The following ZNF569 variants were observed in gnomAD, a reference collection of about 807,000 sequenced individuals.
ZNF569 encodes the protein DNA-binding protein.
A neutral mutation model predicts 56.3 loss-of-function variants in ZNF569; 38 were observed. The ratio of observed to expected loss-of-function variants is 0.68; its 90% CI spans 0.52 to 0.88. The LOEUF (loss-of-function observed/expected upper bound fraction) is 0.88, where lower values mean the gene tolerates loss of function less well. Ranked by LOEUF, ZNF569 falls within the 40% of genes least tolerant of loss-of-function variation. ZNF569 has a pLI of 0.00. For missense variants in ZNF569, 666 were observed against 809.2 expected, an observed-to-expected ratio of 0.82 and a Z score of 2.15; for synonymous variants, 241 against 262.9, an observed-to-expected ratio of 0.92 and a Z score of 0.81.
rs1034533462 is a variant in ZNF569 at position 37,437,029 on chromosome 19, A to AG, written c.15+7877_15+7878insC. On this transcript the variant is annotated intron_variant, in intron 3 of 5. Transcript: ENST00000316950. ...CCAAGACACATCAAAAAAAAAAAAA[A>AG]AAAGAAAGCTACAGGCCAATATCCT... Among the ~76,000 whole-genome samples the AG allele has an allele frequency of 4.6e-5, 7 of 151,796 alleles. No individual in the cohort carries two copies. In the East Asian group the frequency reaches 5.8e-4, roughly 13 times the overall value.
At chr19:37,415,505 G>T (rs2146856664) in intron 5 of ZNF569, among the ~76,000 whole-genome samples, 1 of 152,196 alleles carries the variant, frequency 6.6e-6, no homozygotes, top group East Asian at 1.9e-4. Flanking sequence ...TCAGAAATAA[G>T]AAAAGATGAG....
rs918943320 is a variant in ZNF569, at chr19:37,430,715, T to C, written c.16-4337A>G. ...AAAGCACCTTCATCATAACCAAAAA[T>C]CAGGTCAGCAGTCACAGTATCTGGT... On this transcript the variant is annotated intron_variant, in intron 3 of 5. Transcript: ENST00000316950. 3.3e-5 allele frequency among the ~76,000 whole-genome samples: 5 copies of C among 152,174 alleles called. 1 individual carries two copies. Among genetic ancestry groups the C allele is most frequent in the Middle Eastern group, 3.4e-3 (1 of 294 alleles).
intron 2 of ZNF569, among the ~76,000 whole-genome samples, chr19:37,458,849 A>G (rs926302403): frequency 1.3e-5 from 2 of 152,232 alleles, no homozygotes; most frequent in Admixed American, 1.3e-4. Context: ...AATCAAAAGA[A>G]ATGCTAGAAA....
intron 5 of ZNF569, among the ~76,000 whole-genome samples, chr19:37,416,829 C>T (rs2040941820): frequency 6.6e-6 from 1 of 151,892 alleles, no homozygotes; most frequent in African/African-American, 2.4e-5. Context: ...TGTCCAAAAA[C>T]CATATGAAGA....
chr19:37,413,235 A>G lies in ZNF569; in HGVS notation c.1423T>C (p.Phe475Leu). ...PYICKECGKA[F>L]SQKSNLIAHE... The stretch of plus-strand genomic sequence containing the variant: ...GCAATGAGATTTGATTTCTGGCTAA[A>G]GGCTTTCCCACATTCCTTACATATA... Residue 475 changes from phenylalanine to leucine, a missense_variant, in exon 6 of 6, where the codon TTT becomes CTT. Phe to Leu is a conservative substitution (Grantham distance 22). Transcript: ENST00000316950. 6 of 1,611,268 alleles carry G rather than the reference A, an allele frequency of 3.7e-6. No homozygotes were observed. The highest frequency in any genetic ancestry group is 1.1e-5 in the South Asian group (1 of 90,468).
upstream of ZNF569, among the ~76,000 whole-genome samples, chr19:37,468,206 C>A (rs563386887): frequency 1.5e-3 from 225 of 151,718 alleles, no homozygotes; most frequent in Middle Eastern, 3.5e-3. Flanking sequence ...CTGCCTCGGC[C>A]TTCCGAGTAA....
Position 37,413,280 on chromosome 19 carries a change from G to T in ZNF569, c.1378C>A (p.His460Asn). ...MSNLVRHQRI[H>N]TGEKPYICKE... ...CATATATAGGGTTTTTCCCCAGTAT[G>T]AATTCTCTGGTGTCTAACAAGATTT... Residue 460 changes from histidine to asparagine, a missense_variant, in exon 6 of 6, where the codon CAT (histidine) becomes AAT (asparagine). Physicochemically the swap from His to Asn is moderately conservative, Grantham distance 68 (BLOSUM62 1). Coordinates refer to ENST00000316950, the MANE Select transcript of ZNF569 (RefSeq NM_152484.3). 6.2e-7 allele frequency: 1 copy of T among 1,610,906 alleles called. No homozygotes were observed. Among genetic ancestry groups the T allele is most frequent in the Non-Finnish European group, 8.5e-7 (1 of 1,179,092 alleles).
At chr19:37,424,470 A>G (rs935557866) in intron 5 of ZNF569, among the ~76,000 whole-genome samples, 1 of 152,086 alleles carries the variant, frequency 6.6e-6, no homozygotes, top group Admixed American at 6.5e-5. Context: ...TAGAAATGAC[A>G]TCTTAGGTTT....
Position 37,448,556 on chromosome 19 carries a change from CTTTTTT to C in ZNF569, c.-43-3598_-43-3593del, listed in dbSNP as rs545559315. ...AAATTGTCCTGAATTATGCTGTAAT[CTTTTTT>C]TTTTTTTTTTTTTTTTTTTGAGACG... On this transcript the variant is annotated intron_variant, in intron 2 of 5. Coordinates refer to ENST00000316950, the MANE Select transcript of ZNF569 (RefSeq NM_152484.3). 2.8e-3 allele frequency among the ~76,000 whole-genome samples: 202 copies of C among 72,536 alleles called. 1 individual carries two copies. The highest frequency in any genetic ancestry group is 0.012 in the African/African-American group (194 of 15,770). The allele number at this position is 72,536 out of a possible 152,430, so 47.6% of individuals were successfully genotyped here. A position where few individuals can be genotyped will look rare whatever the true frequency, so the allele number is the denominator to read the frequency against.
intron 5 of ZNF569, among the ~76,000 whole-genome samples, chr19:37,414,779 A>G (rs1463668552): frequency 2.0e-5 from 3 of 152,180 alleles, no homozygotes; most frequent in African/African-American, 4.8e-5. Flanking sequence ...GTATAAGATC[A>G]TTTTGCGGGA....
rs1568712085 is a variant in ZNF569 at position 37,413,531 on chromosome 19, T to C, written c.1127A>G (p.His376Arg). 1 of 1,613,076 alleles carries C rather than the reference T, an allele frequency of 6.2e-7. No homozygotes were observed. The highest frequency in any genetic ancestry group is 8.5e-7 in the Non-Finnish European group (1 of 1,179,652). Residue 376 changes from histidine (H) to arginine (R), a missense_variant, in exon 6 of 6, where the codon CAT (histidine) becomes CGT (arginine). By Grantham distance (29) the His-to-Arg change is conservative. Transcript: ENST00000316950. ...ACATTCATAGGGTTTTTCACCTGTA[T>C]GAATTCTAACATGTATAATAAGCAT... ...FSMLIIHVRI[H>R]TGEKPYECNE...
chr19:37,462,187 T>C (rs1446714716), intron 2 of ZNF569, among the ~76,000 whole-genome samples: 1 of 152,186 alleles, frequency 6.6e-6, no homozygotes, highest in Admixed American at 6.5e-5. Flanking sequence ...TACTTGTATC[T>C]GTGCCTGGGT....
rs762494782 is a variant in ZNF569 at position 37,412,593 on chromosome 19, G to A, written c.*4C>T. 1.3e-6 allele frequency: 2 copies of A among 1,583,488 alleles called. No individual in the cohort carries two copies. Among genetic ancestry groups the A allele is most frequent in the East Asian group, 2.2e-5 (1 of 44,700 alleles). ...TTGCCATATTCACAATATTCATAGG[G>A]TTTCTAATGAGTATGAATTCTCTGG... is the stretch of plus-strand genomic sequence containing the variant. On this transcript the variant is annotated 3_prime_UTR_variant, in exon 6 of 6. Transcript: ENST00000316950.
chr19:37,442,526 A>G (rs2041423682), intron 3 of ZNF569, among the ~76,000 whole-genome samples: 1 of 152,206 alleles, frequency 6.6e-6, no homozygotes, highest in African/African-American at 2.4e-5. Flanking sequence ...AAGGAAAGAC[A>G]CTAGATGGTA....
intron 3 of ZNF569, among the ~76,000 whole-genome samples, chr19:37,437,015 C>CAAA (rs368735580): frequency 7.0e-5 from 7 of 100,154 alleles, no homozygotes; most frequent in Admixed American, 2.1e-4. Context: ...CAAGACACAT[C>CAAA]AAAAAAAAAA....
At chr19:37,442,083 T>C (rs914141799) in intron 3 of ZNF569, among the ~76,000 whole-genome samples, 3 of 152,184 alleles carry the variant, frequency 2.0e-5, no homozygotes, top group Non-Finnish European at 4.4e-5. Flanking sequence ...CAGAGTGAGT[T>C]TAGAAACACT....
intron 5 of ZNF569, among the ~76,000 whole-genome samples, chr19:37,424,602 T>C (rs1025658057): frequency 6.6e-6 from 1 of 150,666 alleles, no homozygotes; most frequent in Non-Finnish European, 1.5e-5. Context: ...TCACTTGAGG[T>C]CAGGAGTTCA....
chr19:37,419,969 C>CTTTTTTTT (rs60568702), intron 5 of ZNF569, among the ~76,000 whole-genome samples: 9 of 100,624 alleles, frequency 8.9e-5, no homozygotes, highest in Admixed American at 2.4e-4. Context: ...TCTTTTCTTT[C>CTTTTTTTT]TTTTTTTTTT....
intron 5 of ZNF569, 74 bp from the exon 6 acceptor site, chr19:37,414,493 A>C: frequency 6.7e-7 from 1 of 1,496,868 alleles, no homozygotes. Flanking sequence ...ATTTTGAAAA[A>C]TATGCAATTA....
Sources: allele counts gnomAD v4.1 joint callset (sites outside exome capture counted in the v4.1 genomes callset), GRCh38; gene constraint gnomAD v4.1.1; transcripts MANE v1.5; gene names NCBI Gene and HGNC (gene_info 2026-07-23, HGNC 2026-07-21).